FRMD4A: variants seen among roughly 807,000 people sequenced by gnomAD.
FRMD4A encodes FERM domain-containing protein 4A.
Under a neutral mutation model 129.1 loss-of-function variants are expected in FRMD4A, and 29 were observed. That is an observed-to-expected ratio of 0.22 (90% CI 0.17 to 0.31). The LOEUF (loss-of-function observed/expected upper bound fraction) is 0.31. Among genes scored for constraint, FRMD4A ranks in the 10% least tolerant of loss-of-function variants. The pLI is 1.00. For synonymous variants in FRMD4A, 634 were observed against 571.6 expected, an observed-to-expected ratio of 1.11 and a Z score of -1.56; for missense variants, 1,272 against 1,375.8, an observed-to-expected ratio of 0.92 and a Z score of 1.19.
chr10:14,177,930 A>C (rs959796487), intron 2 of FRMD4A, among the ~76,000 whole-genome samples: 15 of 152,230 alleles, frequency 9.9e-5, no homozygotes, highest in African/African-American at 3.1e-4. Context: ...GAACCTATCA[A>C]TTAGCTCCTG....
intron 2 of FRMD4A, among the ~76,000 whole-genome samples, chr10:14,189,466 C>A (rs545642142): frequency 2.6e-5 from 4 of 152,048 alleles, no homozygotes; most frequent in African/African-American, 9.6e-5. Flanking sequence ...CCCAGCTACT[C>A]GGGAGGCTGA....
intron 4 of FRMD4A, among the ~76,000 whole-genome samples, chr10:13,798,077 T>C (rs1388575384): frequency 2.0e-5 from 3 of 152,192 alleles, no homozygotes; most frequent in Non-Finnish European, 1.5e-5. Context: ...TAACTTTATC[T>C]TTTTATTACC....
intron 5 of FRMD4A, among the ~76,000 whole-genome samples, chr10:13,784,498 G>A (rs2092807581): frequency 6.6e-6 from 1 of 152,258 alleles, no homozygotes; most frequent in East Asian, 1.9e-4. Flanking sequence ...ATTTAAAAAT[G>A]AATTCTTCTA....
intron 2 of FRMD4A, among the ~76,000 whole-genome samples, chr10:14,090,068 G>T (rs79295745): frequency 3.3e-5 from 5 of 152,158 alleles, no homozygotes; most frequent in Admixed American, 6.5e-5. Flanking sequence ...AAACTCTGCC[G>T]CAGGGGCAGA....
chr10:13,718,165 C>G (rs1283318617), intron 12 of FRMD4A, among the ~76,000 whole-genome samples: 1 of 152,170 alleles, frequency 6.6e-6, no homozygotes, highest in African/African-American at 2.4e-5. Flanking sequence ...GCACCAGAAG[C>G]GAGGCAGATT....
intron 6 of FRMD4A, among the ~76,000 whole-genome samples, chr10:13,769,036 G>A (rs2092375388): frequency 6.9e-6 from 1 of 143,952 alleles, no homozygotes; most frequent in Non-Finnish European, 1.5e-5. Flanking sequence ...TGTCGCCCAG[G>A]CTGGAGTGTA....
chr10:13,904,119 G>C (rs1265560497), intron 2 of FRMD4A, among the ~76,000 whole-genome samples: 1 of 152,172 alleles, frequency 6.6e-6, no homozygotes, highest in Non-Finnish European at 1.5e-5. Context: ...TGGGGGCTGG[G>C]ACATGACAGT....
intron 5 of FRMD4A, among the ~76,000 whole-genome samples, chr10:13,792,825 C>A (rs1256013908): frequency 1.3e-5 from 2 of 152,180 alleles, no homozygotes; most frequent in Non-Finnish European, 2.9e-5. Context: ...GATCTGAGTC[C>A]TCCCTTCCAC....
At chr10:13,840,127 T>A (rs970431798) in intron 3 of FRMD4A, among the ~76,000 whole-genome samples, 2 of 152,244 alleles carry the variant, frequency 1.3e-5, no homozygotes, top group African/African-American at 4.8e-5. Flanking sequence ...CTAAAATTCA[T>A]TCCCAAAGTC....
rs541176036 is a variant in FRMD4A at position 13,707,283 on chromosome 10, C to G, written c.760-170G>C. ...ACACACACACACACATACACACACA[C>G]ACGCAGCTCTCCAGTTCAAAACCAG... On this transcript the variant is annotated intron_variant, in intron 12 of 24. Coordinates refer to ENST00000357447, the MANE Select transcript of FRMD4A (RefSeq NM_018027.5). 15 of 846,412 alleles carry G rather than the reference C, an allele frequency of 1.8e-5. No homozygotes were observed. The African/African-American group carries it at 2.2e-4, about 12-fold the overall frequency. The allele number at this position is 846,412 out of a possible 1,614,324, so 52.4% of individuals were successfully genotyped here. A position where few individuals can be genotyped will look rare whatever the true frequency, so the allele number is the denominator to read the frequency against.
At chr10:14,314,380 T>C (rs1431138102) in intron 2 of FRMD4A, among the ~76,000 whole-genome samples, 1 of 152,170 alleles carries the variant, frequency 6.6e-6, no homozygotes, top group Non-Finnish European at 1.5e-5. Flanking sequence ...ATGTATCTTT[T>C]AAGATCTCCA....
At chr10:13,954,675 A>G (rs568513552) in intron 2 of FRMD4A, among the ~76,000 whole-genome samples, 1 of 152,254 alleles carries the variant, frequency 6.6e-6, no homozygotes, top group East Asian at 1.9e-4. Context: ...CCATCCATGC[A>G]TGGCAGCAGT....
chr10:14,157,232 C>T (rs1840646201), intron 2 of FRMD4A, among the ~76,000 whole-genome samples: 1 of 152,200 alleles, frequency 6.6e-6, no homozygotes, highest in Non-Finnish European at 1.5e-5. Context: ...TGAACCTACA[C>T]AGTCTTCATA....
intron 2 of FRMD4A, among the ~76,000 whole-genome samples, chr10:14,097,898 C>A (rs1296958596): frequency 2.1e-5 from 3 of 144,532 alleles, no homozygotes; most frequent in Admixed American, 7.0e-5. Context: ...TTACAATATG[C>A]ATTATATAAA....
At chr10:14,278,245 A>G (rs1374213707) in intron 2 of FRMD4A, among the ~76,000 whole-genome samples, 3 of 152,198 alleles carry the variant, frequency 2.0e-5, no homozygotes, top group Non-Finnish European at 4.4e-5. Context: ...TTGCAAAGAT[A>G]TAACAGCTGA....
chr10:14,074,378 A>T (rs1835464090), intron 2 of FRMD4A: 2 of 152,218 alleles, frequency 1.3e-5, no homozygotes, highest in African/African-American at 4.8e-5. Flanking sequence ...CTGGGTCTTC[A>T]ACGAGATGAA....
At chr10:13,803,225 A>AG (rs2093293015) in intron 4 of FRMD4A, among the ~76,000 whole-genome samples, 1 of 151,928 alleles carries the variant, frequency 6.6e-6, no homozygotes, top group African/African-American at 2.4e-5. Context: ...AGGTTAAAGT[A>AG]GGGTATATAC....
intron 2 of FRMD4A, among the ~76,000 whole-genome samples, chr10:14,197,959 C>T (rs1032657772): frequency 1.3e-4 from 20 of 152,322 alleles, no homozygotes; most frequent in African/African-American, 2.9e-4. Context: ...CTGGAGTTTC[C>T]GCTCTGGCTC....
At chr10:14,206,820 A>AAAAG (rs1429238276) in intron 2 of FRMD4A, among the ~76,000 whole-genome samples, 1 of 127,490 alleles carries the variant, frequency 7.8e-6, no homozygotes, top group Non-Finnish European at 1.7e-5. Flanking sequence ...AAAAAAAAAA[A>AAAAG]AGAGAGACAG....
Sources: allele counts gnomAD v4.1 joint callset (sites outside exome capture counted in the v4.1 genomes callset), GRCh38; gene constraint gnomAD v4.1.1; transcripts MANE v1.5; gene names NCBI Gene and HGNC (gene_info 2026-07-23, HGNC 2026-07-21).